AGPS: variants seen among roughly 807,000 people sequenced by gnomAD.
AGPS encodes the protein alkylglycerone phosphate synthase, also known as alkyldihydroxyacetonephosphate synthase, peroxisomal.
In AGPS, 26 loss-of-function variants were observed where a neutral mutation model predicts 90.7. The observed-to-expected ratio is 0.29, with a 90% CI of 0.21 to 0.40. The LOEUF (loss-of-function observed/expected upper bound fraction) is 0.40, where lower values mean the gene tolerates loss of function less well. Among genes scored for constraint, AGPS ranks in the 10% least tolerant of loss-of-function variants. The pLI is 1.00. For missense variants in AGPS, 540 were observed against 816.1 expected (o/e 0.66, Z 4.12); for synonymous variants, 294 against 285.3 (o/e 1.03, Z -0.31).
At chr2:177,465,084 A>G (rs534002685) in intron 9 of AGPS, among the ~76,000 whole-genome samples, 1 of 152,292 alleles carries the variant, frequency 6.6e-6, no homozygotes, top group Non-Finnish European at 1.5e-5. Context: ...GCTTGAGGCC[A>G]GGAGTTGGAG....
In AGPS at chr2:177,483,324, A is replaced by G. The variant is rs537634615; in HGVS notation, c.1233+1138A>G. On this transcript the variant is annotated intron_variant, in intron 11 of 19. Transcript: ENST00000264167. ...ATTCCCAGTGCTGTTTATTCCATAC[A>G]CTCATAAAGTTTTACTTTCTAAGAC... Among the ~76,000 whole-genome samples the G allele has an allele frequency of 2.1e-4, 32 of 152,152 alleles. No homozygotes were observed. The South Asian group carries it at 6.2e-3, about 30-fold the overall frequency.
chr2:177,401,710 A>G (rs1346225497), intron 1 of AGPS, among the ~76,000 whole-genome samples: 3 of 152,036 alleles, frequency 2.0e-5, no homozygotes, highest in Admixed American at 1.3e-4. Context: ...ACGCCTGGCT[A>G]ATTTTTGTAT....
intron 2 of AGPS, among the ~76,000 whole-genome samples, chr2:177,427,828 T>C (rs898115618): frequency 4.6e-5 from 7 of 152,206 alleles, no homozygotes; most frequent in Non-Finnish European, 1.0e-4. Flanking sequence ...GAGGGTTCTG[T>C]AGATGTCTAT....
rs2079226150 is a variant in AGPS, at chr2:177,540,648, T to C, written c.*2453T>C. 6.6e-6 allele frequency: 1 copy of C among 152,098 alleles called. No individual in the cohort carries two copies. Among genetic ancestry groups the C allele is most frequent in the Non-Finnish European group, 1.5e-5 (1 of 67,954 alleles). The allele number at this position is 152,098 out of a possible 1,614,324, so 9.4% of individuals were successfully genotyped here. On this transcript the variant is annotated 3_prime_UTR_variant, in exon 20 of 20. Transcript: ENST00000264167. ...CAGGAGAACACTGTTTACATGACAC[T>C]TCTTAACTCATTTTTAATGTTTATT...
chr2:177,502,418 T>A (rs1483139674), intron 14 of AGPS, among the ~76,000 whole-genome samples: 1 of 149,794 alleles, frequency 6.7e-6, no homozygotes, highest in Non-Finnish European at 1.5e-5. Flanking sequence ...TTTTTTTTTT[T>A]TTTTTTTTTT....
At position 177,505,487 on chromosome 2, in the gene AGPS, G is replaced by A. The variant is rs776051751; in HGVS notation, c.1476-19G>A. The A allele has an allele frequency of 1.2e-6, 2 of 1,606,778 alleles. No individual in the cohort carries two copies. Among genetic ancestry groups the A allele is most frequent in the South Asian group, 1.1e-5 (1 of 90,776 alleles). On this transcript the variant is annotated intron_variant, in intron 14 of 19. Coordinates refer to ENST00000264167, the MANE Select transcript of AGPS (RefSeq NM_003659.4). ...GATTAAGATAAAAAATTTATTAACA[G>A]TTTGTTCTTTAATTACAGTGGGTTG... is the stretch of plus-strand genomic sequence containing the variant.
intron 10 of AGPS, among the ~76,000 whole-genome samples, chr2:177,475,353 A>T (rs1687752041): frequency 6.6e-6 from 1 of 152,220 alleles, no homozygotes; most frequent in African/African-American, 2.4e-5. Context: ...GTAAGACAGC[A>T]TAGTACTAAT....
intron 10 of AGPS, among the ~76,000 whole-genome samples, chr2:177,475,090 TAGAAG>T (rs1293176194): frequency 5.3e-5 from 8 of 152,258 alleles, no homozygotes; most frequent in African/African-American, 1.9e-4. Context: ...TAAGAGCAAA[TAGAAG>T]AGATGATTCA....
intron 14 of AGPS, 81 bp downstream of exon 14, chr2:177,499,811 A>G: frequency 2.2e-6 from 2 of 909,960 alleles, no homozygotes; most frequent in Non-Finnish European, 3.6e-6. Context: ...TTAAAGTACT[A>G]GGCATTAATG....
chr2:177,515,526 T>C (rs1216748109), intron 17 of AGPS, among the ~76,000 whole-genome samples: 1 of 150,804 alleles, frequency 6.6e-6, no homozygotes, highest in Non-Finnish European at 1.5e-5. Context: ...CCACCCCCGC[T>C]GTAACATTAT....
intron 5 of AGPS, among the ~76,000 whole-genome samples, chr2:177,438,866 T>C (rs1686504200): frequency 1.3e-5 from 2 of 152,200 alleles, no homozygotes. Flanking sequence ...AATGTGAATT[T>C]CCTACTGGCG....
chr2:177,472,225 T>TAA (rs1370509289), intron 10 of AGPS, among the ~76,000 whole-genome samples: 2 of 152,008 alleles, frequency 1.3e-5, no homozygotes, highest in Admixed American at 1.3e-4. Flanking sequence ...TGACCCTTTT[T>TAA]CTCTGACTTC....
At chr2:177,508,103 G>A in intron 16 of AGPS, 72 bp downstream of exon 16, 2 of 1,151,908 alleles carry the variant, frequency 1.7e-6, no homozygotes, top group South Asian at 1.2e-5. Flanking sequence ...GTTTCTTTTT[G>A]TGTGAATATG....
intron 14 of AGPS, among the ~76,000 whole-genome samples, chr2:177,503,964 A>C (rs966573392): frequency 6.6e-6 from 1 of 152,178 alleles, no homozygotes; most frequent in Non-Finnish European, 1.5e-5. Flanking sequence ...AAGAAAGATG[A>C]CTTAGGACTG....
chr2:177,435,873 T>G (rs1686392369), intron 3 of AGPS, among the ~76,000 whole-genome samples: 1 of 152,168 alleles, frequency 6.6e-6, no homozygotes, highest in Non-Finnish European at 1.5e-5. Context: ...TAACCTGCCT[T>G]CCTTATAGTA....
chr2:177,412,975 C>T (rs2100395), intron 1 of AGPS, among the ~76,000 whole-genome samples: 130,017 of 152,048 alleles, frequency 0.86, 55,858 homozygotes, highest in East Asian at 0.95. Flanking sequence ...CCTGCTGGAT[C>T]TGGAGGGGTG....
intron 8 of AGPS, among the ~76,000 whole-genome samples, chr2:177,456,383 T>G (rs1478401554): frequency 6.6e-6 from 1 of 152,240 alleles, no homozygotes; most frequent in Non-Finnish European, 1.5e-5. Flanking sequence ...TAAATTTGCA[T>G]ATTGTGGTAT....
intron 18 of AGPS, among the ~76,000 whole-genome samples, chr2:177,521,910 C>A (rs564684315): frequency 6.6e-6 from 1 of 152,274 alleles, no homozygotes; most frequent in South Asian, 2.1e-4. Flanking sequence ...ATGAGTACGC[C>A]TAAACAGACT....
intron 11 of AGPS, among the ~76,000 whole-genome samples, chr2:177,487,807 T>G (rs1373405497): frequency 2.6e-5 from 4 of 152,160 alleles, no homozygotes; most frequent in Admixed American, 6.5e-5. Context: ...ATGAGACATG[T>G]TCTCTACCAG....
Sources: gnomAD v4.1 joint callset for allele counts (sites outside exome capture counted in the v4.1 genomes callset) on GRCh38, gnomAD v4.1.1 for gene constraint, MANE v1.5 for transcripts, NCBI Gene and HGNC (gene_info 2026-07-23, HGNC 2026-07-21) for gene names.